The following TMEM164 variants were observed in gnomAD, a reference collection of about 807,000 sequenced individuals.
TMEM164 encodes the protein RP13-360B22.2.
A neutral mutation model predicts 18.8 loss-of-function variants in TMEM164; 4 were observed. That is an observed-to-expected ratio of 0.21 (90% CI 0.10 to 0.49). TMEM164 has a LOEUF of 0.49. Ranked by LOEUF, TMEM164 falls within the 20% of genes least tolerant of loss-of-function variation. The pLI is 0.98. For synonymous variants in TMEM164, 86 were observed against 101.7 expected (o/e 0.85, Z 0.93); for missense variants, 108 against 239.9 (o/e 0.45, Z 3.63).
At chrX:110,063,610 G>T (rs1569312223) in intron 2 of TMEM164, among the ~76,000 whole-genome samples, 1 of 111,542 alleles carries the variant, frequency 9.0e-6, no homozygotes, top group Non-Finnish European at 1.9e-5. Context: ...CTTTCCTGAG[G>T]AAGCTGAGAG....
intron 3 of TMEM164, among the ~76,000 whole-genome samples, chrX:110,074,018 C>T (rs1274716150): frequency 9.0e-6 from 1 of 110,676 alleles, no homozygotes; most frequent in Non-Finnish European, 1.9e-5. Context: ...GCTGGGACTA[C>T]AGGCACATGT....
intron 2 of TMEM164, among the ~76,000 whole-genome samples, chrX:110,011,569 A>G (rs1052560290): frequency 1.8e-5 from 2 of 112,069 alleles, no homozygotes; most frequent in African/African-American, 6.5e-5. Context: ...CTATCTCCCC[A>G]TTTCTCCTAT....
chrX:110,009,376 C>T (rs1475551578), intron 2 of TMEM164, among the ~76,000 whole-genome samples: 1 of 112,460 alleles, frequency 8.9e-6, no homozygotes, highest in African/African-American at 3.2e-5. Context: ...GAATACATGT[C>T]AGAATGTTGG....
chrX:110,016,976 T>C (rs928731061), intron 2 of TMEM164, among the ~76,000 whole-genome samples: 2 of 112,098 alleles, frequency 1.8e-5, no homozygotes, highest in African/African-American at 6.5e-5. Flanking sequence ...TAATTCTTCT[T>C]TTCTTTGCTT....
At chrX:110,115,655 A>G (rs2066351162) in intron 4 of TMEM164, among the ~76,000 whole-genome samples, 1 of 112,361 alleles carries the variant, frequency 8.9e-6, no homozygotes, top group African/African-American at 3.2e-5. Context: ...TTCCTGTGTT[A>G]AGTATCATGC....
intron 4 of TMEM164, among the ~76,000 whole-genome samples, chrX:110,112,155 A>T (rs2066299086): frequency 9.0e-6 from 1 of 111,151 alleles, no homozygotes; most frequent in African/African-American, 3.3e-5. Flanking sequence ...CAGCATGATG[A>T]AACCCCGTGT....
At chrX:110,043,282 C>G (rs1200959645) in intron 2 of TMEM164, among the ~76,000 whole-genome samples, 1 of 112,874 alleles carries the variant, frequency 8.9e-6, no homozygotes, top group Non-Finnish European at 1.9e-5. Flanking sequence ...AATTACAACA[C>G]TTTAGCTCCT....
chrX:110,026,064 T>C (rs922320343), intron 2 of TMEM164, among the ~76,000 whole-genome samples: 5 of 112,651 alleles, frequency 4.4e-5, no homozygotes, highest in African/African-American at 1.6e-4. Context: ...GAACACTGTG[T>C]GGTACATATT....
At chrX:110,106,009 A>T (rs1241671456) in intron 3 of TMEM164, among the ~76,000 whole-genome samples, 3 of 111,682 alleles carry the variant, frequency 2.7e-5, no homozygotes, top group African/African-American at 9.8e-5. Flanking sequence ...TGACTGAATG[A>T]GATGATATAT....
chrX:110,122,138 C>T (rs1411491883), intron 4 of TMEM164, among the ~76,000 whole-genome samples: 3 of 109,421 alleles, frequency 2.7e-5, no homozygotes, highest in Non-Finnish European at 3.8e-5. Context: ...ATGTTTATTG[C>T]GGCACTATTC....
At chrX:110,163,018 C>T (rs2067112837) in intron 5 of TMEM164, among the ~76,000 whole-genome samples, 1 of 112,595 alleles carries the variant, frequency 8.9e-6, no homozygotes, top group African/African-American at 3.2e-5. Context: ...TCCCTGACTT[C>T]GTTTATTGCA....
chrX:110,183,705 T>C (rs769983726), downstream of TMEM164, among the ~76,000 whole-genome samples: 15 of 112,763 alleles, frequency 1.3e-4, 1 homozygote, highest in East Asian at 4.2e-3. Context: ...ATCCTGGCTT[T>C]GCCACTTCAC....
At chrX:110,110,619 A>G (rs928288223) in intron 4 of TMEM164, among the ~76,000 whole-genome samples, 2 of 112,283 alleles carry the variant, frequency 1.8e-5, no homozygotes, top group South Asian at 3.7e-4. Context: ...TAATGTTCAT[A>G]GCAATCAACT....
intron 3 of TMEM164, among the ~76,000 whole-genome samples, chrX:110,093,340 G>C (rs1266836438): frequency 9.0e-6 from 1 of 111,458 alleles, no homozygotes; most frequent in Non-Finnish European, 1.9e-5. Context: ...TGTTTGATAG[G>C]CTATTAATTA....
At chrX:110,179,685 C>T (rs142013667), downstream of TMEM164, among the ~76,000 whole-genome samples, 910 of 112,173 alleles carry the variant, frequency 8.1e-3, 9 homozygotes, top group African/African-American at 0.026. Context: ...CACTTTGCTC[C>T]TACAGCACCT....
At chrX:110,122,821 T>TA (rs2066471362) in intron 4 of TMEM164, among the ~76,000 whole-genome samples, 1 of 112,255 alleles carries the variant, frequency 8.9e-6, no homozygotes, top group African/African-American at 3.2e-5. Flanking sequence ...ATTAAACCCT[T>TA]ATCTGATATA....
intron 2 of TMEM164, among the ~76,000 whole-genome samples, chrX:110,043,057 A>T (rs781676452): frequency 1.8e-5 from 2 of 112,468 alleles, no homozygotes; most frequent in African/African-American, 6.5e-5. Context: ...GTCAATTCCA[A>T]GCTACCAGTC....
chrX:110,144,955 G>A, intron 5 of TMEM164, 79 bp downstream of exon 5: 2 of 773,858 alleles, frequency 2.6e-6, no homozygotes, highest in Non-Finnish European at 3.8e-6. Context: ...ACAGCCTCTT[G>A]GGTGCTTCCC....
chrX:110,061,041 A>G (rs1022283741), intron 2 of TMEM164, among the ~76,000 whole-genome samples: 5 of 112,295 alleles, frequency 4.5e-5, no homozygotes, highest in African/African-American at 1.6e-4. Context: ...CAGCTGGACA[A>G]GGGAAGTTGA....
Sources: allele counts gnomAD v4.1 joint callset (sites outside exome capture counted in the v4.1 genomes callset), GRCh38; gene constraint gnomAD v4.1.1; transcripts MANE v1.5; gene names NCBI Gene and HGNC (gene_info 2026-07-23, HGNC 2026-07-21).